Variants in NDST3 observed in about 807,000 individuals in gnomAD.
NDST3 encodes the protein bifunctional heparan sulfate N-deacetylase/N-sulfotransferase 3.
Under a neutral mutation model 96.1 loss-of-function variants are expected in NDST3, and 58 were observed. The ratio of observed to expected loss-of-function variants is 0.60; its 90% CI spans 0.49 to 0.75. The LOEUF is 0.75. Ranked by LOEUF, NDST3 falls within the 30% of genes least tolerant of loss-of-function variation. NDST3 has a pLI of 0.00. For synonymous variants in NDST3, 333 were observed against 359.7 expected (o/e 0.93, Z 0.84); for missense variants, 788 against 1,034.2 (o/e 0.76, Z 3.27).
chr4:118,144,858 G>T (rs1733828740), intron 6 of NDST3, among the ~76,000 whole-genome samples: 1 of 152,112 alleles, frequency 6.6e-6, no homozygotes, highest in African/African-American at 2.4e-5. Flanking sequence ...ATTGCAGATA[G>T]TGTTCACCAT....
chr4:118,157,464 T>G, intron 6 of NDST3, among the ~76,000 whole-genome samples: 1 of 150,684 alleles, frequency 6.6e-6, no homozygotes, highest in East Asian at 2.0e-4. Flanking sequence ...CTCACTCTGT[T>G]ACCAAGGCTG....
chr4:118,065,978 A>C (rs1726285235), intron 2 of NDST3, among the ~76,000 whole-genome samples: 2 of 145,758 alleles, frequency 1.4e-5, no homozygotes, highest in African/African-American at 2.5e-5. Context: ...TGTAGAAATT[A>C]GACCAACTTG....
intron 6 of NDST3, among the ~76,000 whole-genome samples, chr4:118,187,762 T>C (rs1389765586): frequency 1.3e-5 from 2 of 152,190 alleles, no homozygotes; most frequent in African/African-American, 4.8e-5. Context: ...GATGCCATCT[T>C]CTTGGGGAGA....
chr4:118,063,585 G>C (rs558977874), intron 2 of NDST3, among the ~76,000 whole-genome samples: 1 of 152,044 alleles, frequency 6.6e-6, no homozygotes, highest in African/African-American at 2.4e-5. Context: ...AATCTTTTTT[G>C]TATCTCTATG....
chr4:118,042,535 T>C (rs1332083003), intron 1 of NDST3, among the ~76,000 whole-genome samples: 7 of 152,190 alleles, frequency 4.6e-5, no homozygotes, highest in African/African-American at 1.4e-4. Flanking sequence ...CTTTATCAAA[T>C]CCCTCTGTTC....
At chr4:118,101,938 T>TA (rs1379843010) in intron 2 of NDST3, among the ~76,000 whole-genome samples, 1 of 152,106 alleles carries the variant, frequency 6.6e-6, no homozygotes, top group Non-Finnish European at 1.5e-5. Flanking sequence ...ATTAATGTGA[T>TA]AGGAGAAAGC....
intron 6 of NDST3, among the ~76,000 whole-genome samples, chr4:118,196,850 A>T (rs1318216296): frequency 6.8e-6 from 1 of 147,604 alleles, no homozygotes; most frequent in Non-Finnish European, 1.5e-5. Flanking sequence ...TTCTGCTCTG[A>T]TCTTTATTAT....
intron 9 of NDST3, among the ~76,000 whole-genome samples, chr4:118,235,696 C>T (rs1308465585): frequency 2.6e-5 from 4 of 152,164 alleles, no homozygotes; most frequent in African/African-American, 9.7e-5. Context: ...CCAGTGTGAG[C>T]TTCTACATAA....
intron 6 of NDST3, among the ~76,000 whole-genome samples, chr4:118,200,129 G>A (rs181756703): frequency 2.0e-5 from 3 of 152,180 alleles, no homozygotes; most frequent in Non-Finnish European, 2.9e-5. Flanking sequence ...TTCCCTTGAG[G>A]GTGATGAGTT....
At chr4:118,141,994 T>C (rs1340115873) in intron 5 of NDST3, among the ~76,000 whole-genome samples, 1 of 152,158 alleles carries the variant, frequency 6.6e-6, no homozygotes, top group African/African-American at 2.4e-5. Context: ...AATGAATAAA[T>C]ACTATATAAA....
chr4:118,114,842 T>C lies in NDST3; in HGVS notation c.1106T>C (p.Leu369Ser). ...GAAGATGAAGGAGATGACTGTCTGT[T>C]GGGGTCTGTGGATGAGTTCTGGTGG... ...EEEDEGDDCL[L>S]GSVDEFWWFP... Residue 369 changes from leucine to serine, a missense_variant, in exon 4 of 14, where the codon TTG becomes TCG. Leu to Ser is a moderately radical substitution (Grantham distance 145, BLOSUM62 -2). Transcript: ENST00000296499. The C allele has an allele frequency of 1.2e-6, 2 of 1,614,086 alleles. No homozygotes were observed. Among genetic ancestry groups the C allele is most frequent in the Non-Finnish European group, 1.7e-6 (2 of 1,179,970 alleles).
chr4:118,069,580 AAAG>A (rs1248681127), intron 2 of NDST3, among the ~76,000 whole-genome samples: 1 of 152,052 alleles, frequency 6.6e-6, no homozygotes, highest in Non-Finnish European at 1.5e-5. Context: ...AGAAAACTAC[AAAG>A]AAGAAAGCAA....
chr4:118,095,333 A>G (rs1326433186), intron 2 of NDST3, among the ~76,000 whole-genome samples: 1 of 151,854 alleles, frequency 6.6e-6, no homozygotes, highest in Non-Finnish European at 1.5e-5. Context: ...TAAGGCAAGG[A>G]CCAAGTAATG....
intron 3 of NDST3, among the ~76,000 whole-genome samples, chr4:118,108,036 G>A (rs375645111): frequency 8.5e-5 from 13 of 152,316 alleles, no homozygotes; most frequent in East Asian, 5.8e-4. Context: ...GTCTTACATG[G>A]CAGCAGGCAA....
intron 3 of NDST3, among the ~76,000 whole-genome samples, chr4:118,112,972 C>T (rs372653351): frequency 5.3e-5 from 8 of 152,152 alleles, no homozygotes; most frequent in African/African-American, 1.9e-4. Context: ...AAACTACCTT[C>T]TCCTTTCATG....
intron 6 of NDST3, among the ~76,000 whole-genome samples, chr4:118,173,211 A>T (rs182904393): frequency 6.6e-6 from 1 of 152,108 alleles, no homozygotes; most frequent in East Asian, 1.9e-4. Flanking sequence ...CCTAGCAGCA[A>T]TTCTGTTAGA....
At chr4:118,085,003 A>G (rs1166524562) in intron 2 of NDST3, among the ~76,000 whole-genome samples, 1 of 152,152 alleles carries the variant, frequency 6.6e-6, no homozygotes, top group Admixed American at 6.5e-5. Flanking sequence ...AGGCACCTGT[A>G]GTCCCAGGTA....
intron 5 of NDST3, among the ~76,000 whole-genome samples, chr4:118,141,059 T>C (rs1733534407): frequency 6.6e-6 from 1 of 152,126 alleles, no homozygotes; most frequent in South Asian, 2.1e-4. Context: ...CCCAGAAGTA[T>C]TTGTTGGCAG....
chr4:118,255,548 A>G (rs7684275), intron 13 of NDST3, 45 bp from the exon 14 acceptor site: 663,478 of 1,556,456 alleles, frequency 0.43, 144,054 homozygotes, highest in East Asian at 0.6. Context: ...TATGAAATGT[A>G]ATAAACAAAA....
Sources: gnomAD v4.1 joint callset for allele counts (sites outside exome capture counted in the v4.1 genomes callset) on GRCh38, gnomAD v4.1.1 for gene constraint, MANE v1.5 for transcripts, NCBI Gene and HGNC (gene_info 2026-07-23, HGNC 2026-07-21) for gene names.